Variants in DSTN observed in about 807,000 individuals in gnomAD.
DSTN encodes the protein destrin.
DSTN carries 10 observed loss-of-function variants against 16.8 expected under a neutral mutation model. That is an observed-to-expected ratio of 0.60 (90% CI 0.37 to 1.01). The LOEUF is 1.01. Ranked by LOEUF, DSTN falls within the 50% of genes least tolerant of loss-of-function variation. The pLI is 0.01. For synonymous variants in DSTN, 57 were observed against 58.9 expected (o/e 0.97, Z 0.14); for missense variants, 141 against 196.7 (o/e 0.72, Z 1.69).
chr20:17,598,868 G>A (rs2035555443), intron 1 of DSTN, among the ~76,000 whole-genome samples: 1 of 152,092 alleles, frequency 6.6e-6, no homozygotes, highest in Non-Finnish European at 1.5e-5. Context: ...AAAGTGCTGA[G>A]ACTACAGGCA....
chr20:17,601,708 TTAGA>T (rs1157777583), intron 2 of DSTN, among the ~76,000 whole-genome samples: 4 of 152,236 alleles, frequency 2.6e-5, no homozygotes, highest in African/African-American at 9.7e-5. Context: ...AGTGTTACTC[TTAGA>T]TAGTGAAACA....
intron 1 of DSTN, among the ~76,000 whole-genome samples, chr20:17,582,956 A>G (rs986482827): frequency 6.6e-6 from 1 of 152,258 alleles, no homozygotes; most frequent in African/African-American, 2.4e-5. Context: ...TTTGCAAATC[A>G]TATACCTGAC....
chr20:17,601,679 GC>G (rs1227807583), intron 2 of DSTN, among the ~76,000 whole-genome samples: 3 of 152,180 alleles, frequency 2.0e-5, no homozygotes, highest in Non-Finnish European at 1.5e-5. Flanking sequence ...TTCCATCATT[GC>G]AGAAAACTCT....
At chr20:17,591,630 C>G (rs901298828) in intron 1 of DSTN, among the ~76,000 whole-genome samples, 1 of 152,212 alleles carries the variant, frequency 6.6e-6, no homozygotes, top group African/African-American at 2.4e-5. Context: ...AATACAAACT[C>G]TCAGACTCTA....
chr20:17,588,060 G>A (rs1352200899), intron 1 of DSTN, among the ~76,000 whole-genome samples: 2 of 152,208 alleles, frequency 1.3e-5, no homozygotes, highest in East Asian at 3.9e-4. Flanking sequence ...CACAGTGTAT[G>A]ACCATACCCT....
At chr20:17,600,599 G>A in intron 1 of DSTN, 139 bp from the exon 2 acceptor site, 1 of 1,041,704 alleles carries the variant, frequency 9.6e-7, no homozygotes, top group Non-Finnish European at 1.3e-6. Flanking sequence ...AGTGATTACA[G>A]CTCAAATTTC....
chr20:17,587,688 C>T (rs761925623), intron 1 of DSTN, among the ~76,000 whole-genome samples: 2 of 151,150 alleles, frequency 1.3e-5, no homozygotes, highest in Non-Finnish European at 2.9e-5. Context: ...AGGCATTAGT[C>T]TGTCATTGTG....
At chr20:17,606,491 A>G (rs986116486) in intron 3 of DSTN, among the ~76,000 whole-genome samples, 1 of 152,214 alleles carries the variant, frequency 6.6e-6, no homozygotes, top group Non-Finnish European at 1.5e-5. Context: ...ATCAAAAATC[A>G]TTTGTATTTT....
At chr20:17,606,688 C>A (rs2035646696) in intron 3 of DSTN, among the ~76,000 whole-genome samples, 1 of 152,210 alleles carries the variant, frequency 6.6e-6, no homozygotes, top group Non-Finnish European at 1.5e-5. Flanking sequence ...TGGTGCTGTT[C>A]CCTTCAATTC....
intron 1 of DSTN, chr20:17,591,797 A>C (rs1050780588): frequency 1.5e-6 from 1 of 687,042 alleles, no homozygotes; most frequent in East Asian, 1.3e-4. Context: ...ATAGCTAGTT[A>C]GTAGAGGAAT....
chr20:17,570,353 G>T, intron 1 of DSTN, 142 bp downstream of exon 1: 1 of 1,185,550 alleles, frequency 8.4e-7, no homozygotes, highest in East Asian at 3.2e-5. Context: ...CCGGGCTGCG[G>T]GTGAGGGGGG....
At chr20:17,588,510 G>A (rs530186496) in intron 1 of DSTN, among the ~76,000 whole-genome samples, 1 of 152,178 alleles carries the variant, frequency 6.6e-6, no homozygotes, top group Non-Finnish European at 1.5e-5. Context: ...GGCTGGGCAC[G>A]GTTGCTCACG....
intron 1 of DSTN, among the ~76,000 whole-genome samples, chr20:17,574,865 C>CTTTTCTTTTTTTTTTTTTTTTTT (rs1354147534): frequency 6.2e-5 from 4 of 64,252 alleles, no homozygotes; most frequent in African/African-American, 2.4e-4. Flanking sequence ...CTTTTCTTTT[C>CTTTTCTTTTTTTTTTTTTTTTTT]TTTTGTTTTT....
intron 1 of DSTN, among the ~76,000 whole-genome samples, chr20:17,572,474 C>T (rs2035218187): frequency 6.6e-6 from 1 of 152,226 alleles, no homozygotes; most frequent in African/African-American, 2.4e-5. Context: ...TGCCTAGCTC[C>T]TCTTGTAACC....
At chr20:17,572,364 C>T (rs1357240915) in intron 1 of DSTN, among the ~76,000 whole-genome samples, 2 of 152,206 alleles carry the variant, frequency 1.3e-5, no homozygotes, top group African/African-American at 4.8e-5. Flanking sequence ...GGTGTGCCAG[C>T]CTCCTTATAC....
chr20:17,592,727 A>G (rs2035483186), intron 1 of DSTN, among the ~76,000 whole-genome samples: 1 of 152,188 alleles, frequency 6.6e-6, no homozygotes, highest in Admixed American at 6.5e-5. Context: ...GAAAGTGAGC[A>G]TTTGGCATTA....
chr20:17,593,063 C>T (rs963293951), intron 1 of DSTN, among the ~76,000 whole-genome samples: 1 of 152,198 alleles, frequency 6.6e-6, no homozygotes, highest in Non-Finnish European at 1.5e-5. Flanking sequence ...TGTTGGAGGC[C>T]TTTTCCATCT....
At chr20:17,588,131 G>A (rs1461424168) in intron 1 of DSTN, among the ~76,000 whole-genome samples, 3 of 152,102 alleles carry the variant, frequency 2.0e-5, no homozygotes, top group Admixed American at 2.0e-4. Flanking sequence ...AATCATCTTT[G>A]CAGAAAGGCA....
intron 2 of DSTN, 127 bp from the exon 3 acceptor site, chr20:17,604,428 T>C: frequency 1.1e-6 from 1 of 946,348 alleles, no homozygotes; most frequent in Non-Finnish European, 1.6e-6. Flanking sequence ...AAATGTGCAG[T>C]TAAGAAAAAA....
Sources: gnomAD v4.1 joint callset for allele counts (sites outside exome capture counted in the v4.1 genomes callset) on GRCh38, gnomAD v4.1.1 for gene constraint, MANE v1.5 for transcripts, NCBI Gene and HGNC (gene_info 2026-07-23, HGNC 2026-07-21) for gene names.